The following MTERF2 variants were observed in gnomAD, a reference collection of about 807,000 sequenced individuals.
MTERF2 encodes the protein transcription termination factor 2, mitochondrial.
A neutral mutation model predicts 29.2 loss-of-function variants in MTERF2; 23 were observed. That is an observed-to-expected ratio of 0.79 (90% CI 0.57 to 1.12). The LOEUF is 1.12. Ranked by LOEUF, MTERF2 falls within the 50% of genes most tolerant of loss-of-function variation. The pLI, the probability that MTERF2 is intolerant of heterozygous loss-of-function variation, is 0.00. For missense variants in MTERF2, 440 were observed against 429.4 expected, an observed-to-expected ratio of 1.02 and a Z score of -0.22; for synonymous variants, 157 against 159.5, an observed-to-expected ratio of 0.98 and a Z score of 0.12.
At position 106,978,632 on chromosome 12, in the gene MTERF2, G is replaced by T. The variant is rs1267851211; in HGVS notation, c.83C>A (p.Pro28His). 12 of 1,614,066 alleles carry T rather than the reference G, an allele frequency of 7.4e-6. No homozygotes were observed. Among genetic ancestry groups the T allele is most frequent in the Non-Finnish European group, 6.8e-6 (8 of 1,180,052 alleles). The part of the protein sequence containing the change: ...RKMRSPPKYR[P>H]FLACFTYTTD... ...TGTATAGGTGAAGCATGCTAAGAAAGGTCTGTATTTTGGAGGTGATCGCAT... is the reference window on the plus strand; with the variant it reads ...TGTATAGGTGAAGCATGCTAAGAAATGTCTGTATTTTGGAGGTGATCGCAT... Residue 28 changes from proline (P) to histidine (H), a missense_variant, in exon 3 of 3, where the codon CCT becomes CAT. Pro to His is a moderately conservative substitution (Grantham distance 77). Coordinates refer to ENST00000240050, the MANE Select transcript of MTERF2 (RefSeq NM_001033050.3).
At chr12:106,985,515 C>A (rs1409039454) in intron 1 of MTERF2, 1 of 152,292 alleles carries the variant, frequency 6.6e-6, no homozygotes, top group East Asian at 1.9e-4. Flanking sequence ...AGCCTCCTGT[C>A]CCCATTACAT....
rs1490060052 is a variant in MTERF2 at position 106,978,389 on chromosome 12, G to A, written c.326C>T (p.Pro109Leu). 6 of 1,614,082 alleles carry A rather than the reference G, an allele frequency of 3.7e-6. No individual in the cohort carries two copies. The highest frequency in any genetic ancestry group is 3.3e-5 in the Admixed American group (2 of 60,006). ...ERCPEAIVCS[P>L]TAVNTQRKLW... ...TTTTCTCTGGGTGTTAACAGCGGTT[G>A]GACTACAGACAATTGCTTCCGGGCA... The change falls in exon 3 of 3, where the codon CCA becomes CTA. Residue 109 changes from proline (P) to leucine (L), a missense_variant. By Grantham distance (98) the Pro-to-Leu change is moderately conservative (BLOSUM62 -3). Coordinates refer to ENST00000240050, the MANE Select transcript of MTERF2 (RefSeq NM_001033050.3).
In MTERF2 at chr12:106,977,971, T is replaced by C; in HGVS notation, c.744A>G (p.Leu248=). The change falls in exon 3 of 3, where the codon CTA becomes CTG. Residue 248 remains leucine, a synonymous_variant. Transcript: ENST00000240050. ...GAAAAAGAAATCCTTTGAGTTTGGA[T>C]AGAAGCTGGAGAATTTCAAAGCTGG... ...GFTSFEILQL[L]SKLKGFLFQL... The C allele has an allele frequency of 6.2e-7, 1 of 1,614,190 alleles. No homozygotes were observed. The highest frequency in any genetic ancestry group is 8.5e-7 in the Non-Finnish European group (1 of 1,180,010).
intron 2 of MTERF2, among the ~76,000 whole-genome samples, chr12:106,979,142 A>T (rs866023561): frequency 6.6e-6 from 1 of 152,246 alleles, no homozygotes; most frequent in African/African-American, 2.4e-5. Context: ...AAGACCAAAG[A>T]GTTCAAAGGT....
chr12:106,986,889 C>G (rs2136806804), intron 1 of MTERF2, 80 bp downstream of exon 1: 1 of 152,506 alleles, frequency 6.6e-6, no homozygotes, highest in East Asian at 1.9e-4. Flanking sequence ...TCTGGCGAGG[C>G]GTGGGGTTTT....
intron 2 of MTERF2, among the ~76,000 whole-genome samples, chr12:106,983,819 C>T (rs936033467): frequency 6.6e-6 from 1 of 152,144 alleles, no homozygotes; most frequent in Non-Finnish European, 1.5e-5. Flanking sequence ...TTTGCAATTC[C>T]CCAAAGGGGC....
chr12:106,977,628 A>C lies in MTERF2; in HGVS notation c.1087T>G (p.Phe363Val). 1 of 1,613,834 alleles carries C rather than the reference A, an allele frequency of 6.2e-7. No homozygotes were observed. ...ACTTTTTTGGCCTGAATTTTGCCAAAATTAGCTTCAAACTCTTTTTTTGAT... is the reference window on the plus strand; with the variant it reads ...ACTTTTTTGGCCTGAATTTTGCCAACATTAGCTTCAAACTCTTTTTTTGAT... ...NGSKKEFEANFGKIQAKKVRP... is the reference protein window; with the variant it reads ...NGSKKEFEANVGKIQAKKVRP... The change falls in exon 3 of 3, where the codon TTT becomes GTT. Residue 363 changes from phenylalanine to valine, a missense_variant. Phe to Val is a conservative substitution (Grantham distance 50). Coordinates refer to ENST00000240050, the MANE Select transcript of MTERF2 (RefSeq NM_001033050.3).
intron 2 of MTERF2, chr12:106,980,757 AT>A (rs1428720839): frequency 6.6e-6 from 1 of 152,108 alleles, no homozygotes; most frequent in African/African-American, 2.4e-5. Flanking sequence ...CCTGACTTTA[AT>A]TTAAACGCCC....
chr12:106,981,955 GAAGAC>G (rs1952057289), intron 2 of MTERF2, among the ~76,000 whole-genome samples: 1 of 152,148 alleles, frequency 6.6e-6, no homozygotes, highest in Non-Finnish European at 1.5e-5. Flanking sequence ...CCCCACCACT[GAAGAC>G]AACTGTTCAT....
At chr12:106,980,476 T>C (rs1380205646) in intron 2 of MTERF2, 1 of 152,232 alleles carries the variant, frequency 6.6e-6, no homozygotes, top group Non-Finnish European at 1.5e-5. Context: ...TATCTGCTTT[T>C]AAGAAACAGA....
At chr12:106,981,643 C>T (rs1052223001) in intron 2 of MTERF2, among the ~76,000 whole-genome samples, 2 of 152,094 alleles carry the variant, frequency 1.3e-5, no homozygotes, top group East Asian at 1.9e-4. Flanking sequence ...GCCTCAGCCT[C>T]CTGAGTAGCT....
At chr12:106,980,845 A>G (rs1344409344) in intron 2 of MTERF2, 1 of 152,200 alleles carries the variant, frequency 6.6e-6, no homozygotes. Context: ...CTGTTAGGAA[A>G]GTTAGGTAAC....
intron 2 of MTERF2, among the ~76,000 whole-genome samples, chr12:106,981,154 C>A (rs974075304): frequency 6.6e-6 from 1 of 152,234 alleles, no homozygotes; most frequent in Non-Finnish European, 1.5e-5. Context: ...ACCTCTGTAC[C>A]ACACGTGGGG....
intron 2 of MTERF2, among the ~76,000 whole-genome samples, chr12:106,984,259 CCT>C (rs981445216): frequency 1.3e-5 from 2 of 152,056 alleles, no homozygotes; most frequent in African/African-American, 4.8e-5. Context: ...TTGCCCAAAC[CCT>C]CTCTCTCTCC....
chr12:106,982,444 T>C (rs535294866), intron 2 of MTERF2, among the ~76,000 whole-genome samples: 10 of 152,328 alleles, frequency 6.6e-5, no homozygotes, highest in African/African-American at 1.9e-4. Context: ...TTGCTTAGTC[T>C]CTGATGAGCA....
At chr12:106,979,726 C>T (rs1165605323) in intron 2 of MTERF2, among the ~76,000 whole-genome samples, 2 of 152,148 alleles carry the variant, frequency 1.3e-5, no homozygotes, top group African/African-American at 4.8e-5. Flanking sequence ...ACAGTGTAAT[C>T]AGCTATCCAC....
chr12:106,980,404 T>C (rs778927858), intron 2 of MTERF2, among the ~76,000 whole-genome samples: 2 of 152,230 alleles, frequency 1.3e-5, no homozygotes, highest in Non-Finnish European at 2.9e-5. Context: ...CAATTTCTCA[T>C]CCTTGAGGTT....
chr12:106,979,823 A>G (rs1361581300), intron 2 of MTERF2, among the ~76,000 whole-genome samples: 2 of 152,160 alleles, frequency 1.3e-5, no homozygotes, highest in African/African-American at 4.8e-5. Context: ...AAACACCTCC[A>G]TCTTCTTAGG....
At chr12:106,982,433 C>T (rs925709210) in intron 2 of MTERF2, among the ~76,000 whole-genome samples, 7 of 152,218 alleles carry the variant, frequency 4.6e-5, no homozygotes, top group Admixed American at 2.0e-4. Context: ...GTTAATCTGC[C>T]TTGCTTAGTC....
Sources: allele counts gnomAD v4.1 joint callset (sites outside exome capture counted in the v4.1 genomes callset), GRCh38; gene constraint gnomAD v4.1.1; transcripts MANE v1.5; gene names NCBI Gene and HGNC (gene_info 2026-07-23, HGNC 2026-07-21).